The following NRCAM variants were observed in gnomAD, a reference collection of about 807,000 sequenced individuals.
The protein encoded by NRCAM is neuronal cell adhesion molecule.
NRCAM carries 83 observed loss-of-function variants against 156.5 expected under a neutral mutation model. That is an observed-to-expected ratio of 0.53 (90% CI 0.44 to 0.64). The LOEUF is 0.64. Ranked by LOEUF, NRCAM falls within the 30% of genes least tolerant of loss-of-function variation. NRCAM has a pLI of 0.00. For synonymous variants in NRCAM, 538 were observed against 563.9 expected (o/e 0.95, Z 0.65); for missense variants, 1,417 against 1,597.3 (o/e 0.89, Z 1.92).
Position 108,184,240 on chromosome 7 carries a change from C to A in NRCAM, c.2304+1G>T. 6.2e-7 allele frequency: 1 copy of A among 1,613,068 alleles called. No individual in the cohort carries two copies. Among genetic ancestry groups the A allele is most frequent in the Non-Finnish European group, 8.5e-7 (1 of 1,179,100 alleles). ...ATAAATTTGAAGGCATCATAGCTCA[C>A]CTTCCACGTAATCACCAAATTATCA... is the stretch of plus-strand genomic sequence containing the variant. On this transcript the variant is annotated splice_donor_variant, in intron 22 of 32. Coordinates refer to ENST00000379028, the MANE Select transcript of NRCAM (RefSeq NM_001037132.4). LOFTEE classifies it high-confidence loss of function.
rs142102216 is a variant in NRCAM, at chr7:108,411,460, A to G, written c.-331-11867T>C. 1.1e-3 allele frequency among the ~76,000 whole-genome samples: 160 copies of G among 152,266 alleles called. 1 individual carries two copies. Among genetic ancestry groups the G allele is most frequent in the African/African-American group, 3.6e-3 (148 of 41,552 alleles). ...TGGGTTGATGTTAATACTATATGCT[A>G]TTTTACAACTTACTTTTTAAATGTT... On this transcript the variant is annotated intron_variant, in intron 1 of 32. Coordinates refer to ENST00000379028, the MANE Select transcript of NRCAM (RefSeq NM_001037132.4).
intron 20 of NRCAM, among the ~76,000 whole-genome samples, chr7:108,188,638 T>C (rs1024963069): frequency 4.7e-5 from 7 of 149,922 alleles, no homozygotes; most frequent in African/African-American, 7.3e-5. Flanking sequence ...TATTTTAATA[T>C]AGGAAAAAAG....
At chr7:108,427,444 C>T (rs1463096985) in intron 1 of NRCAM, among the ~76,000 whole-genome samples, 5 of 152,076 alleles carry the variant, frequency 3.3e-5, no homozygotes, top group Admixed American at 2.0e-4. Flanking sequence ...AGTTATTGTT[C>T]GGCCCAATAT....
At chr7:108,434,472 G>C (rs1308740978) in intron 1 of NRCAM, among the ~76,000 whole-genome samples, 1 of 151,662 alleles carries the variant, frequency 6.6e-6, no homozygotes, top group Non-Finnish European at 1.5e-5. Context: ...GAGTTGACCA[G>C]GGCCACACAA....
At chr7:108,443,416 T>A (rs1271556473) in intron 1 of NRCAM, among the ~76,000 whole-genome samples, 2 of 152,190 alleles carry the variant, frequency 1.3e-5, no homozygotes, top group African/African-American at 4.8e-5. Flanking sequence ...CAATTCTGTT[T>A]CTCCAAATAG....
intron 1 of NRCAM, among the ~76,000 whole-genome samples, chr7:108,413,116 A>G (rs1207215566): frequency 6.6e-6 from 1 of 152,180 alleles, no homozygotes; most frequent in East Asian, 1.9e-4. Flanking sequence ...ACTACTTTCC[A>G]TAATTGCTGT....
chr7:108,345,544 T>C (rs967204866), intron 2 of NRCAM, among the ~76,000 whole-genome samples: 3 of 152,164 alleles, frequency 2.0e-5, no homozygotes, highest in Admixed American at 1.3e-4. Context: ...TTCAATGTGA[T>C]AGTATTCAGA....
chr7:108,404,052 G>C (rs1231226021), intron 1 of NRCAM, among the ~76,000 whole-genome samples: 3 of 152,178 alleles, frequency 2.0e-5, no homozygotes, highest in Non-Finnish European at 4.4e-5. Flanking sequence ...CAGGTGGTCA[G>C]TATGCCTGCC....
At chr7:108,171,765 T>C (rs1586202551) in intron 28 of NRCAM, among the ~76,000 whole-genome samples, 1 of 152,328 alleles carries the variant, frequency 6.6e-6, no homozygotes, top group Non-Finnish European at 1.5e-5. Flanking sequence ...TTTGTCTTAC[T>C]GTCTTTATAC....
chr7:108,312,715 GTCT>G lies in NRCAM; in HGVS notation c.-160_-158del, dbSNP rs778172899. The G allele has an allele frequency of 6.6e-6, 1 of 152,076 alleles. No individual in the cohort carries two copies. Among genetic ancestry groups the G allele is most frequent in the Non-Finnish European group, 1.5e-5 (1 of 68,016 alleles). The allele number at this position is 152,076 out of a possible 1,614,324, so 9.4% of individuals were successfully genotyped here. On this transcript the variant is annotated 5_prime_UTR_variant, in exon 3 of 33. Coordinates refer to ENST00000379028, the MANE Select transcript of NRCAM (RefSeq NM_001037132.4). Reference sequence around the variant, plus strand: ...TTCCTTTTAATTCTTTAAACCAAACGTCTTCTTAGCATTGCTCTGTGGGTTAAA... The same window carrying G: ...TTCCTTTTAATTCTTTAAACCAAACGTCTTAGCATTGCTCTGTGGGTTAAA...
At chr7:108,356,168 C>T (rs560390818) in intron 2 of NRCAM, among the ~76,000 whole-genome samples, 71 of 152,184 alleles carry the variant, frequency 4.7e-4, no homozygotes, top group African/African-American at 1.7e-3. Context: ...AGGCTGGTCT[C>T]GAACTCCTGA....
chr7:108,167,104 G>C, intron 29 of NRCAM, 31 bp from the exon 30 acceptor site: 1 of 1,585,126 alleles, frequency 6.3e-7, no homozygotes. Context: ...CAACACATTT[G>C]AATATTTTAA....
intron 13 of NRCAM, among the ~76,000 whole-genome samples, chr7:108,201,248 C>G (rs936607163): frequency 6.6e-5 from 10 of 151,384 alleles, no homozygotes; most frequent in African/African-American, 2.4e-4. Context: ...TGCTGGGACT[C>G]TTCAGGGCAC....
intron 28 of NRCAM, among the ~76,000 whole-genome samples, chr7:108,174,413 C>G (rs532857565): frequency 6.6e-6 from 1 of 152,322 alleles, no homozygotes; most frequent in South Asian, 2.1e-4. Context: ...TCTTCCTTTT[C>G]TTCATTCCTG....
intron 2 of NRCAM, among the ~76,000 whole-genome samples, chr7:108,350,022 G>C (rs1375226422): frequency 6.6e-6 from 1 of 152,092 alleles, no homozygotes. Flanking sequence ...GGCTCCTTTA[G>C]TTCCCTGAAT....
At chr7:108,307,545 C>A (rs2098735018) in intron 3 of NRCAM, among the ~76,000 whole-genome samples, 1 of 152,166 alleles carries the variant, frequency 6.6e-6, no homozygotes. Flanking sequence ...TCTTTACAGA[C>A]CAGCTAAGTT....
intron 1 of NRCAM, among the ~76,000 whole-genome samples, chr7:108,438,011 C>A (rs1834208556): frequency 6.7e-6 from 1 of 148,806 alleles, no homozygotes; most frequent in African/African-American, 2.5e-5. Context: ...CATGGAAAAT[C>A]CAAATAGGCC....
At chr7:108,241,036 C>T (rs1396773105) in intron 3 of NRCAM, among the ~76,000 whole-genome samples, 7 of 151,930 alleles carry the variant, frequency 4.6e-5, no homozygotes, top group Admixed American at 1.3e-4. Flanking sequence ...TATCAAAGTC[C>T]AATTTATTTC....
At chr7:108,197,927 G>A (rs1001808309) in intron 14 of NRCAM, 29 bp downstream of exon 14, 2 of 1,514,914 alleles carry the variant, frequency 1.3e-6, no homozygotes, top group African/African-American at 1.4e-5. Context: ...AATTTAATTT[G>A]CCATGTCTTT....
Sources: gnomAD v4.1 joint callset for allele counts (sites outside exome capture counted in the v4.1 genomes callset) on GRCh38, gnomAD v4.1.1 for gene constraint, MANE v1.5 for transcripts, NCBI Gene and HGNC (gene_info 2026-07-23, HGNC 2026-07-21) for gene names.